PRKAR1B: variants seen among roughly 807,000 people sequenced by gnomAD.
PRKAR1B encodes the protein cAMP-dependent protein kinase type I-beta regulatory subunit.
Under a neutral mutation model 46.5 loss-of-function variants are expected in PRKAR1B, and 22 were observed. That is an observed-to-expected ratio of 0.47 (90% CI 0.34 to 0.68). PRKAR1B has a LOEUF of 0.68. Among genes scored for constraint, PRKAR1B ranks in the 30% least tolerant of loss-of-function variants. The pLI, the probability that PRKAR1B is intolerant of heterozygous loss-of-function variation, is 0.01. For synonymous variants in PRKAR1B, 259 were observed against 217.7 expected, an observed-to-expected ratio of 1.19 and a Z score of -1.67; for missense variants, 445 against 535.6, an observed-to-expected ratio of 0.83 and a Z score of 1.67.
At chr7:600,487 C>T (rs1222931319) in intron 6 of PRKAR1B, among the ~76,000 whole-genome samples, 1 of 152,176 alleles carries the variant, frequency 6.6e-6, no homozygotes, top group Non-Finnish European at 1.5e-5. Flanking sequence ...AGCGAGACCC[C>T]ATCTCAAAAA....
chr7:660,939 G>A lies in PRKAR1B; in HGVS notation c.440+16290C>T, dbSNP rs533522385. On this transcript the variant is annotated intron_variant, in intron 4 of 10. Transcript: ENST00000537384. Reference sequence around the variant, plus strand: ...CCATGGCACAGGTCCCCAACCCAACGGGTCCAAATACTTACTCTTCCCCTC... The same window carrying A: ...CCATGGCACAGGTCCCCAACCCAACAGGTCCAAATACTTACTCTTCCCCTC... Among the ~76,000 whole-genome samples the A allele has an allele frequency of 3.4e-4, 29 of 85,144 alleles. 1 individual carries two copies. The highest frequency in any genetic ancestry group is 1.3e-3 in the African/African-American group (27 of 20,274). 55.9% of individuals were successfully genotyped at this position (85,144 alleles called of 152,430 possible).
chr7:689,176 C>T (rs914231393), intron 2 of PRKAR1B, among the ~76,000 whole-genome samples: 2 of 151,610 alleles, frequency 1.3e-5, no homozygotes, highest in African/African-American at 4.8e-5. Flanking sequence ...AGTGCAGTGG[C>T]GCGATCTCGG....
At chr7:630,218 C>T (rs577590457) in intron 4 of PRKAR1B, among the ~76,000 whole-genome samples, 1 of 152,330 alleles carries the variant, frequency 6.6e-6, no homozygotes, top group Non-Finnish European at 1.5e-5. Flanking sequence ...GTGGAGGGGG[C>T]TGGGCCAGGC....
rs111951235 is a variant in PRKAR1B at position 563,904 on chromosome 7, C to T, written c.892-12434G>A. Among the ~76,000 whole-genome samples, 322 of 151,900 alleles carry T rather than the reference C, an allele frequency of 2.1e-3. 1 individual carries two copies. The highest frequency in any genetic ancestry group is 7.6e-3 in the African/African-American group (315 of 41,362). ...GTGTGTATATGTGCATGTGTGCACACGTGTGCATGGGTGAGTATGTGCGTT... is the reference window on the plus strand; with the variant it reads ...GTGTGTATATGTGCATGTGTGCACATGTGTGCATGGGTGAGTATGTGCGTT... On this transcript the variant is annotated intron_variant, in intron 9 of 10. Transcript: ENST00000537384.
In PRKAR1B at chr7:685,749, T is replaced by G. The variant is rs552805103; in HGVS notation, c.178-5023A>C. 8.5e-5 allele frequency among the ~76,000 whole-genome samples: 13 copies of G among 152,198 alleles called. No homozygotes were observed. The East Asian group carries it at 2.5e-3, about 29-fold the overall frequency. ...TTCTGAAGGAAACTTCCTTTCAACC[T>G]AGACTTTTATACCCAGCTAAACTAG... On this transcript the variant is annotated intron_variant, in intron 2 of 10. Coordinates refer to ENST00000537384, the MANE Select transcript of PRKAR1B (RefSeq NM_001164760.2).
chr7:599,858 G>C (rs1781493025), intron 6 of PRKAR1B, among the ~76,000 whole-genome samples: 1 of 146,008 alleles, frequency 6.8e-6, no homozygotes, highest in Admixed American at 6.7e-5. Flanking sequence ...GCCAGGAGCT[G>C]GGGGAGGCAC....
At chr7:554,807 G>C (rs1178592363) in intron 9 of PRKAR1B, among the ~76,000 whole-genome samples, 1 of 151,722 alleles carries the variant, frequency 6.6e-6, no homozygotes, top group East Asian at 1.9e-4. Flanking sequence ...AGACAGGGGA[G>C]ACCACGGATC....
chr7:551,211 G>A (rs1420127738), intron 10 of PRKAR1B, among the ~76,000 whole-genome samples, 178 bp downstream of exon 10: 2 of 152,100 alleles, frequency 1.3e-5, no homozygotes, highest in African/African-American at 4.8e-5. Flanking sequence ...CTGGCCCTGG[G>A]ACTTCAATTT....
At chr7:704,129 T>C (rs899140017) in intron 2 of PRKAR1B, among the ~76,000 whole-genome samples, 1 of 152,164 alleles carries the variant, frequency 6.6e-6, no homozygotes, top group Non-Finnish European at 1.5e-5. Context: ...CTTAATCATC[T>C]AAAATTTCAC....
At chr7:601,743 C>T (rs1031255634) in intron 6 of PRKAR1B, among the ~76,000 whole-genome samples, 1 of 152,240 alleles carries the variant, frequency 6.6e-6, no homozygotes, top group African/African-American at 2.4e-5. Context: ...CCATAAGTCA[C>T]AGCCGGTTCC....
chr7:725,303 G>C (rs547301873), intron 1 of PRKAR1B, among the ~76,000 whole-genome samples: 1 of 151,994 alleles, frequency 6.6e-6, no homozygotes, highest in East Asian at 1.9e-4. Context: ...TTGAAGTTCT[G>C]TCCTAAAATT....
rs1214907511 is a variant in PRKAR1B, at chr7:644,224, C to T, written c.440+33005G>A. ...TTCAACCTGCGTCAGGATGAACCCT[C>T]ATATTATAGAATGACTCCCCTGTTC... On this transcript the variant is annotated intron_variant, in intron 4 of 10. Transcript: ENST00000537384. The surrounding 1 kb of genome is among the most constrained non-coding windows in gnomAD (Gnocchi z 4.9). Among the ~76,000 whole-genome samples, 1 of 152,116 alleles carries T rather than the reference C, an allele frequency of 6.6e-6. No homozygotes were observed. Among genetic ancestry groups the T allele is most frequent in the Non-Finnish European group, 1.5e-5 (1 of 68,026 alleles).
rs377631758 is a variant in PRKAR1B at position 648,606 on chromosome 7, G to A, written c.440+28623C>T. Among the ~76,000 whole-genome samples the A allele has an allele frequency of 7.4e-4, 112 of 151,890 alleles. 1 individual carries two copies. The highest frequency in any genetic ancestry group is 2.7e-3 in the African/African-American group (110 of 41,418). The stretch of plus-strand genomic sequence containing the variant: ...AGCCTGGACAACAGAGTGAGACTCC[G>A]TCTCAAAAAAACAAACAAACAAAAA... On this transcript the variant is annotated intron_variant, in intron 4 of 10. Coordinates refer to ENST00000537384, the MANE Select transcript of PRKAR1B (RefSeq NM_001164760.2).
chr7:646,016 C>T (rs1462410714), intron 4 of PRKAR1B, among the ~76,000 whole-genome samples: 1 of 152,170 alleles, frequency 6.6e-6, no homozygotes, highest in African/African-American at 2.4e-5. Flanking sequence ...TCCTTCGTCA[C>T]CAACATGTTG....
chr7:652,194 G>A (rs1435556219), intron 4 of PRKAR1B, among the ~76,000 whole-genome samples: 415 of 45,858 alleles, frequency 9.0e-3, no homozygotes, highest in Middle Eastern at 0.02. Context: ...GTTCACACCC[G>A]CACAGCGCTA....
rs1386510432 is a variant in PRKAR1B, at chr7:608,692, CTGGGGGG to C, written c.441-1247_441-1241del. 4.9e-5 allele frequency among the ~76,000 whole-genome samples: 6 copies of C among 122,012 alleles called. 1 individual carries two copies. The East Asian group carries it at 1.1e-3, about 23-fold the overall frequency. 80.0% of individuals were successfully genotyped at this position (122,012 alleles called of 152,430 possible). ...GTGTGTGGCAGGGTTGTAGGGAGGG[CTGGGGGG>C]CCTCCACCGTCCTCCCACCTGGGGA... is the stretch of plus-strand genomic sequence containing the variant. On this transcript the variant is annotated intron_variant, in intron 4 of 10. Coordinates refer to ENST00000537384, the MANE Select transcript of PRKAR1B (RefSeq NM_001164760.2).
At chr7:694,445 C>A (rs1779613177) in intron 2 of PRKAR1B, among the ~76,000 whole-genome samples, 1 of 152,104 alleles carries the variant, frequency 6.6e-6, no homozygotes, top group Non-Finnish European at 1.5e-5. Flanking sequence ...AAAGCCAACC[C>A]CAAAGAGACT....
chr7:612,261 T>TGAA (rs1782555622), intron 4 of PRKAR1B, among the ~76,000 whole-genome samples: 1 of 138,966 alleles, frequency 7.2e-6, no homozygotes, highest in Non-Finnish European at 1.5e-5. Context: ...GGTGAGTAGA[T>TGAA]CAACGGATGG....
intron 7 of PRKAR1B, among the ~76,000 whole-genome samples, chr7:589,871 G>T (rs191904940): frequency 6.6e-6 from 1 of 152,238 alleles, no homozygotes; most frequent in African/African-American, 2.4e-5. Context: ...CAGGCTGCCC[G>T]GGACAGAGAG....
Sources: allele counts gnomAD v4.1 joint callset (sites outside exome capture counted in the v4.1 genomes callset), GRCh38; gene constraint gnomAD v4.1.1; non-coding constraint Gnocchi (gnomAD v3.1); transcripts MANE v1.5; gene names NCBI Gene and HGNC (gene_info 2026-07-23, HGNC 2026-07-21).